The following RBM45 variants were observed in gnomAD, a reference collection of about 807,000 sequenced individuals.
RBM45 encodes the protein RNA-binding protein 45.
A neutral mutation model predicts 58.5 loss-of-function variants in RBM45; 39 were observed. That is an observed-to-expected ratio of 0.67 (90% CI 0.52 to 0.87). The LOEUF is 0.87. Among genes scored for constraint, RBM45 ranks in the 40% least tolerant of loss-of-function variants. The pLI is 0.00. For missense variants in RBM45, 481 were observed against 581.6 expected (o/e 0.83, Z 1.78); for synonymous variants, 193 against 203.0 (o/e 0.95, Z 0.42).
At chr2:178,135,881 A>G (rs924514307) in intron 3 of RBM45, among the ~76,000 whole-genome samples, 1 of 152,232 alleles carries the variant, frequency 6.6e-6, no homozygotes, top group Non-Finnish European at 1.5e-5. Context: ...ATTTATATCA[A>G]TCATAGAAAC....
chr2:178,126,290 C>T (rs1165837255), intron 9 of RBM45, 106 bp downstream of exon 9: 6 of 602,656 alleles, frequency 1.0e-5, no homozygotes, highest in Non-Finnish European at 1.6e-5. Context: ...TAGAAGTTGT[C>T]AGTTAAAAGA....
chr2:178,122,073 C>T (rs1199526020), intron 5 of RBM45, among the ~76,000 whole-genome samples: 1 of 152,080 alleles, frequency 6.6e-6, no homozygotes, highest in African/African-American at 2.4e-5. Flanking sequence ...GCTTTGAGAC[C>T]TTGGCAACTT....
At position 178,126,203 on chromosome 2, in the gene RBM45, GA is replaced by G; in HGVS notation, c.*8+21del. 6.5e-7 allele frequency: 1 copy of G among 1,546,814 alleles called. No homozygotes were observed. The highest frequency in any genetic ancestry group is 8.9e-7 in the Non-Finnish European group (1 of 1,127,974). ...TCTTGAGGTAAGCCCTTTTTAATCT[GA>G]ATTTTAAAACATATTGAGTAAATAG... On this transcript the variant is annotated intron_variant, in intron 9 of 9. Transcript: ENST00000286070.
In RBM45 at chr2:178,113,723, A is replaced by G. The variant is rs1200650137; in HGVS notation, c.300+877A>G. On this transcript the variant is annotated intron_variant, in intron 1 of 9. Transcript: ENST00000286070. The stretch of plus-strand genomic sequence containing the variant: ...AAGATGTCACAGCTTACTCCCTGTG[A>G]TCTCAAATCAGGACTCAATCCTGAG... Among the ~76,000 whole-genome samples the G allele has an allele frequency of 4.6e-5, 7 of 152,312 alleles. No individual in the cohort carries two copies. In the South Asian group the frequency reaches 1.0e-3, roughly 23 times the overall value.
chr2:178,138,479 C>T (rs755280004), exon 4 of RBM45: 17 of 152,172 alleles, frequency 1.1e-4, no homozygotes, highest in Non-Finnish European at 1.5e-4. Context: ...GACTGAAGAT[C>T]CTCTTCTACA....
chr2:178,118,609 T>C (rs1168313915), intron 3 of RBM45, among the ~76,000 whole-genome samples: 1 of 152,156 alleles, frequency 6.6e-6, no homozygotes, highest in Non-Finnish European at 1.5e-5. Flanking sequence ...ATTTATAAGA[T>C]GTGCTAACAT....
intron 1 of RBM45, 123 bp from the exon 2 acceptor site, chr2:178,116,139 C>A (rs1005524723): frequency 6.8e-6 from 8 of 1,180,320 alleles, no homozygotes; most frequent in East Asian, 5.9e-5. Flanking sequence ...TTTTTTTTTT[C>A]TTTGAGACCC....
At chr2:178,113,708 A>G (rs1007787503) in intron 1 of RBM45, among the ~76,000 whole-genome samples, 5 of 152,202 alleles carry the variant, frequency 3.3e-5, no homozygotes, top group African/African-American at 1.2e-4. Flanking sequence ...AAGATGTCAC[A>G]GCTTACTCCC....
At chr2:178,135,112 TC>T (rs1317245015) in intron 3 of RBM45, among the ~76,000 whole-genome samples, 1 of 152,212 alleles carries the variant, frequency 6.6e-6, no homozygotes, top group African/African-American at 2.4e-5. Context: ...ACAAAACTCT[TC>T]CTCCCTCTTC....
intron 8 of RBM45, 38 bp downstream of exon 8, chr2:178,124,328 C>A: frequency 7.9e-7 from 1 of 1,272,722 alleles, no homozygotes; most frequent in Non-Finnish European, 1.1e-6. Flanking sequence ...TTTATTTACA[C>A]TAGTAATTTA....
At chr2:178,117,556 A>G (rs917490225) in intron 2 of RBM45, among the ~76,000 whole-genome samples, 1 of 152,218 alleles carries the variant, frequency 6.6e-6, no homozygotes, top group Non-Finnish European at 1.5e-5. Context: ...CTGTTAGAAG[A>G]CAGACAAGTA....
Position 178,123,644 on chromosome 2 carries a change from G to A in RBM45, c.976G>A (p.Ala326Thr). ...TTCCTTCATTGATGATGGAAGTAAT[G>A]CAACAGAGTAAGTACCATTCCAGGA... ...GVSFIDDGSN[A>T]TDLLRKMATQ... Residue 326 changes from alanine to threonine, a missense_variant, in exon 6 of 10, where the codon GCA becomes ACA. Ala to Thr is a moderately conservative substitution (Grantham distance 58). Coordinates refer to ENST00000286070, the MANE Select transcript of RBM45 (RefSeq NM_152945.4). 2 of 1,605,426 alleles carry A rather than the reference G, an allele frequency of 1.2e-6. No individual in the cohort carries two copies. Among genetic ancestry groups the A allele is most frequent in the Non-Finnish European group, 1.7e-6 (2 of 1,177,044 alleles).
chr2:178,132,322 C>T (rs906302144), downstream of RBM45, among the ~76,000 whole-genome samples: 3 of 152,142 alleles, frequency 2.0e-5, no homozygotes, highest in Non-Finnish European at 4.4e-5. Flanking sequence ...TTTAGTTTCA[C>T]AGGTTTCATC....
intron 4 of RBM45, 104 bp from the exon 5 acceptor site, chr2:178,121,076 C>T (rs1574410976): frequency 3.6e-6 from 2 of 549,476 alleles, no homozygotes; most frequent in East Asian, 3.2e-5. Context: ...AAATACAGTG[C>T]CTTTATTCAG....
intron 1 of RBM45, among the ~76,000 whole-genome samples, chr2:178,114,474 G>T (rs2087745875): frequency 6.6e-6 from 1 of 152,142 alleles, no homozygotes; most frequent in South Asian, 2.1e-4. Context: ...AGAAATTAAA[G>T]ATCTTGTTCC....
At chr2:178,121,097 T>C in intron 4 of RBM45, 83 bp from the exon 5 acceptor site, 1 of 680,488 alleles carries the variant, frequency 1.5e-6, no homozygotes, top group South Asian at 2.2e-5. Context: ...TACAATGGAC[T>C]CTGTTTTCTA....
At chr2:178,132,573 G>C (rs115113263), downstream of RBM45, among the ~76,000 whole-genome samples, 1 of 150,220 alleles carries the variant, frequency 6.7e-6, no homozygotes, top group Non-Finnish European at 1.5e-5. Flanking sequence ...CTAAAACTGC[G>C]GTTCTTTTTT....
chr2:178,112,692 G>A lies in RBM45; in HGVS notation c.146G>A (p.Gly49Asp), dbSNP rs749098783. ...CTGAGGGAGCGCTTCTCGCCTTTTG[G>A]CGACATCCAGGACATCTGGGTGGTG... is the stretch of plus-strand genomic sequence containing the variant. ...SVLRERFSPF[G>D]DIQDIWVVRD... Residue 49 changes from glycine (G) to aspartate (D), a missense_variant, in exon 1 of 10, where the codon GGC becomes GAC. Transcript: ENST00000286070. 1 of 1,614,232 alleles carries A rather than the reference G, an allele frequency of 6.2e-7. No homozygotes were observed. Among genetic ancestry groups the A allele is most frequent in the Non-Finnish European group, 8.5e-7 (1 of 1,180,046 alleles).
At chr2:178,120,440 T>G in intron 4 of RBM45, 31 bp downstream of exon 4, 1 of 1,582,120 alleles carries the variant, frequency 6.3e-7, no homozygotes, top group East Asian at 2.2e-5. Context: ...TTTAATAGTA[T>G]AATGTAGTAT....
Sources: allele counts gnomAD v4.1 joint callset (sites outside exome capture counted in the v4.1 genomes callset), GRCh38; gene constraint gnomAD v4.1.1; transcripts MANE v1.5; gene names NCBI Gene and HGNC (gene_info 2026-07-23, HGNC 2026-07-21).